TMEM131: variants seen among roughly 807,000 people sequenced by gnomAD.
TMEM131 encodes the protein 2610524E03Rik.
TMEM131 carries 66 observed loss-of-function variants against 211.6 expected under a neutral mutation model. The observed-to-expected ratio is 0.31, with a 90% confidence interval of 0.26 to 0.38. The LOEUF (loss-of-function observed/expected upper bound fraction) is 0.38, where lower values mean the gene tolerates loss of function less well. TMEM131 is among the 10% of genes least tolerant of loss of function. TMEM131 has a pLI of 1.00. For synonymous variants in TMEM131, 844 were observed against 841.3 expected (o/e 1.00, Z -0.06); for missense variants, 2,036 against 2,299.3 (o/e 0.89, Z 2.34).
At chr2:97,829,962 T>C (rs1035278210) in intron 11 of TMEM131, among the ~76,000 whole-genome samples, 1 of 151,678 alleles carries the variant, frequency 6.6e-6, no homozygotes, top group African/African-American at 2.4e-5. Context: ...TTTAAAATAG[T>C]TGATGAAATT....
chr2:97,805,740 A>G (rs983699898), intron 19 of TMEM131, 37 bp from the exon 20 acceptor site: 1 of 1,536,538 alleles, frequency 6.5e-7, no homozygotes, highest in African/African-American at 1.4e-5. Flanking sequence ...TCATTTGTAT[A>G]TGGTTAAATT....
chr2:97,862,725 C>G lies in TMEM131; in HGVS notation c.360-3298G>C, dbSNP rs192221503. Among the ~76,000 whole-genome samples, 12 of 152,030 alleles carry G rather than the reference C, an allele frequency of 7.9e-5. 1 individual carries two copies. The highest frequency in any genetic ancestry group is 7.9e-4 in the Admixed American group (12 of 15,262). Reference sequence around the variant, plus strand: ...AAAAAGAATTAAAAAGGAGGCATACCTACGGGACCTAGAAAATAGCCTCAA... The same window carrying G: ...AAAAAGAATTAAAAAGGAGGCATACGTACGGGACCTAGAAAATAGCCTCAA... On this transcript the variant is annotated intron_variant, in intron 4 of 40. Transcript: ENST00000186436.
chr2:97,994,599 G>T (rs888932722), intron 1 of TMEM131, among the ~76,000 whole-genome samples: 4 of 148,822 alleles, frequency 2.7e-5, no homozygotes, highest in South Asian at 2.1e-4. Flanking sequence ...TGCGTGGTTT[G>T]TTTTTTTTTT....
intron 11 of TMEM131, among the ~76,000 whole-genome samples, chr2:97,819,604 C>T (rs1037746274): frequency 2.0e-5 from 3 of 152,112 alleles, no homozygotes; most frequent in Admixed American, 6.5e-5. Context: ...ATCACAAAAT[C>T]GTGGTACTGT....
chr2:97,795,188 C>CTAT, intron 28 of TMEM131, 73 bp from the exon 29 acceptor site: 1 of 1,060,940 alleles, frequency 9.4e-7, no homozygotes, highest in South Asian at 1.7e-5. Context: ...AATACTGGTC[C>CTAT]TATAAGCCTT....
At chr2:97,762,427 G>A in intron 35 of TMEM131, 1 of 437,502 alleles carries the variant, frequency 2.3e-6, no homozygotes, top group Non-Finnish European at 4.1e-6. Context: ...TCCCTGCTGT[G>A]TTGTGTGGCG....
At chr2:97,796,150 A>AT in intron 28 of TMEM131, 68 bp downstream of exon 28, 1 of 956,408 alleles carries the variant, frequency 1.0e-6, no homozygotes, top group Non-Finnish European at 1.5e-6. Flanking sequence ...GGTAAATATG[A>AT]AAACATATCT....
chr2:97,829,339 T>G (rs1682547642), intron 11 of TMEM131, among the ~76,000 whole-genome samples: 1 of 151,844 alleles, frequency 6.6e-6, no homozygotes, highest in Non-Finnish European at 1.5e-5. Flanking sequence ...GCGCTCTGTA[T>G]CTAGCTAAAG....
chr2:97,954,621 A>G (rs7564773), intron 1 of TMEM131, among the ~76,000 whole-genome samples: 49,706 of 151,838 alleles, frequency 0.33, 9,058 homozygotes, highest in Non-Finnish European at 0.39. Context: ...CCTTACCAAC[A>G]TGGTGAAAAC....
At chr2:97,882,600 C>A (rs1181824767) in intron 4 of TMEM131, among the ~76,000 whole-genome samples, 1 of 152,214 alleles carries the variant, frequency 6.6e-6, no homozygotes, top group Non-Finnish European at 1.5e-5. Context: ...TCAGTCTGTG[C>A]CCTTGGGGTT....
rs375852888 is a variant in TMEM131, at chr2:97,758,942, G to A, written c.5318C>T (p.Pro1773Leu). Residue 1773 changes from proline to leucine, a missense_variant, in exon 40 of 41, where the codon CCC becomes CTC. Physicochemically the swap from Pro to Leu is moderately conservative, Grantham distance 98. Coordinates refer to ENST00000186436, the MANE Select transcript of TMEM131 (RefSeq NM_015348.2). ...SYLWESPATD[P>L]SPSWPASSGS... Reference sequence around the variant, plus strand: ...GGAACTGGCTGGCCAGGAAGGACTGGGATCTGTCGCTGGCGACTCCCAAAG... The same window carrying A: ...GGAACTGGCTGGCCAGGAAGGACTGAGATCTGTCGCTGGCGACTCCCAAAG... The A allele has an allele frequency of 1.2e-6, 2 of 1,613,896 alleles. No homozygotes were observed. Among genetic ancestry groups the A allele is most frequent in the African/African-American group, 1.3e-5 (1 of 74,940 alleles).
chr2:97,830,976 C>G (rs1682654086), intron 11 of TMEM131, among the ~76,000 whole-genome samples: 1 of 152,210 alleles, frequency 6.6e-6, no homozygotes, highest in South Asian at 2.1e-4. Context: ...TATCTATAGT[C>G]TCTAAGCCTG....
At position 97,884,990 on chromosome 2, in the gene TMEM131, T is replaced by C. The variant is rs185318160; in HGVS notation, c.359+3062A>G. 3.3e-5 allele frequency among the ~76,000 whole-genome samples: 5 copies of C among 152,366 alleles called. No homozygotes were observed. The East Asian group carries it at 7.7e-4, about 23-fold the overall frequency. The stretch of plus-strand genomic sequence containing the variant: ...CTTTTGTTCTGTACTTCTTTTCTTA[T>C]GGTTTTTCTGTGCTTGGGTGGTTTT... On this transcript the variant is annotated intron_variant, in intron 4 of 40. Transcript: ENST00000186436.
chr2:97,759,325 C>T (rs1678685532), intron 39 of TMEM131: 1 of 550,526 alleles, frequency 1.8e-6, no homozygotes. Context: ...CCATGGTGAC[C>T]TCTAGTTCTG....
intron 1 of TMEM131, among the ~76,000 whole-genome samples, chr2:97,974,397 GGGAGGAGGAGGA>G (rs141602131): frequency 2.0e-5 from 3 of 151,690 alleles, no homozygotes. Context: ...AAATGGGGTT[GGGAGGAGGAGGA>G]GGAGGAGGAG....
intron 5 of TMEM131, among the ~76,000 whole-genome samples, chr2:97,858,831 T>G (rs112665749): frequency 1.7e-4 from 26 of 152,302 alleles, no homozygotes; most frequent in African/African-American, 5.5e-4. Context: ...TTAATGAGTT[T>G]GGAAGTGATT....
intron 17 of TMEM131, among the ~76,000 whole-genome samples, chr2:97,811,776 T>C (rs1035602617): frequency 6.6e-6 from 1 of 152,232 alleles, no homozygotes; most frequent in Non-Finnish European, 1.5e-5. Flanking sequence ...CCCCAAGAAA[T>C]TCTATTCTAA....
Position 97,772,284 on chromosome 2 carries a change from T to C in TMEM131, c.4448+13A>G. 2 of 1,596,524 alleles carry C rather than the reference T, an allele frequency of 1.3e-6. No homozygotes were observed. The highest frequency in any genetic ancestry group is 1.7e-6 in the Non-Finnish European group (2 of 1,175,910). On this transcript the variant is annotated intron_variant, in intron 33 of 40. Coordinates refer to ENST00000186436, the MANE Select transcript of TMEM131 (RefSeq NM_015348.2). ...TTATAGACCTTATTTCTCTGTACACTTATTTCTCTCACCTGGGTTTCACAT... is the reference window on the plus strand; with the variant it reads ...TTATAGACCTTATTTCTCTGTACACCTATTTCTCTCACCTGGGTTTCACAT...
chr2:97,846,127 A>G (rs558080322), intron 5 of TMEM131, among the ~76,000 whole-genome samples: 1 of 152,386 alleles, frequency 6.6e-6, no homozygotes, highest in South Asian at 2.1e-4. Context: ...CTCGTGGAAA[A>G]GAATTCTCTA....
Sources: gnomAD v4.1 joint callset for allele counts (sites outside exome capture counted in the v4.1 genomes callset) on GRCh38, gnomAD v4.1.1 for gene constraint, MANE v1.5 for transcripts, NCBI Gene and HGNC (gene_info 2026-07-23, HGNC 2026-07-21) for gene names.